IPO9: variants seen among roughly 807,000 people sequenced by gnomAD.
The protein encoded by IPO9 is importin 9, also known as importin-9.
A neutral mutation model predicts 128.6 loss-of-function variants in IPO9; 28 were observed. The observed-to-expected ratio is 0.22, with a 90% CI of 0.16 to 0.30. The LOEUF (loss-of-function observed/expected upper bound fraction) is 0.30, where lower values mean the gene tolerates loss of function less well. IPO9 is among the 10% of genes least tolerant of loss of function. The pLI, the probability that IPO9 is intolerant of heterozygous loss-of-function variation, is 1.00. For missense variants in IPO9, 935 were observed against 1,293.9 expected (o/e 0.72, Z 4.26); for synonymous variants, 455 against 475.8 (o/e 0.96, Z 0.57).
rs755028492 is a variant in IPO9, at chr1:201,866,921, G to T, written c.1817G>T (p.Cys606Phe). 4 of 1,614,116 alleles carry T rather than the reference G, an allele frequency of 2.5e-6. No homozygotes were observed. The South Asian group carries it at 3.3e-5, about 13-fold the overall frequency. ...EFTASMESKI[C>F]PFTIAIFLKY... ...ACAGCAAGCATGGAAAGCAAAATCTGCCCCTTCACCATCGCCATTTTCCTA... is the reference window on the plus strand; with the variant it reads ...ACAGCAAGCATGGAAAGCAAAATCTTCCCCTTCACCATCGCCATTTTCCTA... Residue 606 changes from cysteine to phenylalanine, a missense_variant, in exon 15 of 24, where the codon TGC becomes TTC. By Grantham distance (205) the Cys-to-Phe change is radical. Coordinates refer to ENST00000361565, the MANE Select transcript of IPO9 (RefSeq NM_018085.5).
chr1:201,847,757 G>A, intron 3 of IPO9, 119 bp downstream of exon 3: 1 of 737,206 alleles, frequency 1.4e-6, no homozygotes, highest in Non-Finnish European at 2.4e-6. Context: ...AAAGGAGATT[G>A]GTGGCTGGCA....
intron 15 of IPO9, among the ~76,000 whole-genome samples, chr1:201,867,407 A>G (rs1232978543): frequency 6.6e-6 from 1 of 152,174 alleles, no homozygotes; most frequent in African/African-American, 2.4e-5. Context: ...GGAAATTATA[A>G]AAAGACATTA....
intron 1 of IPO9, among the ~76,000 whole-genome samples, chr1:201,831,743 G>A (rs755194493): frequency 6.6e-6 from 1 of 152,152 alleles, no homozygotes. Flanking sequence ...CTTTCCAGCC[G>A]GGATTTAGCC....
chr1:201,867,778 A>T (rs998950731), intron 15 of IPO9, among the ~76,000 whole-genome samples: 1 of 152,050 alleles, frequency 6.6e-6, no homozygotes, highest in Non-Finnish European at 1.5e-5. Context: ...GAGCTCCAAT[A>T]TTGAAGCTCA....
intron 6 of IPO9, 85 bp downstream of exon 6, chr1:201,853,182 A>G (rs1461546882): frequency 5.1e-6 from 5 of 976,930 alleles, no homozygotes; most frequent in Non-Finnish European, 8.3e-6. Context: ...TGATAGCAGC[A>G]CGAAAAAGCA....
At chr1:201,831,350 C>G (rs1465010417) in intron 1 of IPO9, among the ~76,000 whole-genome samples, 2 of 152,050 alleles carry the variant, frequency 1.3e-5, no homozygotes, top group Non-Finnish European at 2.9e-5. Flanking sequence ...TATTGGTGAT[C>G]TAGTAATAGA....
chr1:201,862,565 T>C (rs1443313794), intron 13 of IPO9, among the ~76,000 whole-genome samples: 1 of 150,630 alleles, frequency 6.6e-6, no homozygotes, highest in East Asian at 2.0e-4. Context: ...CCAGCACTTT[T>C]GGAGGCCAAG....
Position 201,847,311 on chromosome 1 carries a change from G to C in IPO9, c.196G>C (p.Asp66His), listed in dbSNP as rs1680139317. The C allele has an allele frequency of 6.2e-7, 1 of 1,613,874 alleles. No individual in the cohort carries two copies. Among genetic ancestry groups the C allele is most frequent in the African/African-American group, 1.3e-5 (1 of 74,874 alleles). Reference sequence around the variant, plus strand: ...TGTTCACTTGGCAGAACTGACTGTAGATCCCCAGGGGGCACTGGCAATCCG... The same window carrying C: ...TGTTCACTTGGCAGAACTGACTGTACATCCCCAGGGGGCACTGGCAATCCG... ...FGVHLAELTV[D>H]PQGALAIRQL... is the part of the protein sequence containing the mutation. The change falls in exon 2 of 24, where the codon GAT becomes CAT. Residue 66 changes from aspartate to histidine, a missense_variant. Transcript: ENST00000361565.
In IPO9 at chr1:201,870,387, G is replaced by C. The variant is rs561636704; in HGVS notation, c.2134-196G>C. On this transcript the variant is annotated intron_variant, in intron 17 of 23. Coordinates refer to ENST00000361565, the MANE Select transcript of IPO9 (RefSeq NM_018085.5). The surrounding 1 kb of genome is among the most constrained non-coding windows in gnomAD (Gnocchi z 4.9). The stretch of plus-strand genomic sequence containing the variant: ...TTGTGAGATAGCTGATTAGGTAAAG[G>C]GGGAATTATGTAATGCACGTCTATG... Among the ~76,000 whole-genome samples, 1 of 152,294 alleles carries C rather than the reference G, an allele frequency of 6.6e-6. No homozygotes were observed. Among genetic ancestry groups the C allele is most frequent in the Admixed American group, 6.5e-5 (1 of 15,298 alleles).
rs970131298 is a variant in IPO9 at position 201,877,865 on chromosome 1, A to C, written c.*1811A>C. The C allele has an allele frequency of 6.6e-6, 1 of 152,256 alleles. No homozygotes were observed. The highest frequency in any genetic ancestry group is 1.5e-5 in the Non-Finnish European group (1 of 68,118). The allele number at this position is 152,256 out of a possible 1,614,324, so 9.4% of individuals were successfully genotyped here. On this transcript the variant is annotated 3_prime_UTR_variant, in exon 24 of 24. Transcript: ENST00000361565. Reference sequence around the variant, plus strand: ...CTTGAACCTGGGAGGCAGAGGTTGCAGTAAGCCAAGATCGCACCATTGCAC... The same window carrying C: ...CTTGAACCTGGGAGGCAGAGGTTGCCGTAAGCCAAGATCGCACCATTGCAC...
chr1:201,848,244 A>G lies in IPO9; in HGVS notation c.313-149A>G, dbSNP rs534690678. On this transcript the variant is annotated intron_variant, in intron 3 of 23. Transcript: ENST00000361565. ...TTAGAGATCACAGATGAACCCTCCA[A>G]ATGAATTGTCAAGTTTGTGTATAGG... 107 of 666,552 alleles carry G rather than the reference A, an allele frequency of 1.6e-4. No homozygotes were observed. The African/African-American group carries it at 1.6e-3, about 10-fold the overall frequency. The allele number at this position is 666,552 out of a possible 1,614,324, so 41.3% of individuals were successfully genotyped here.
chr1:201,866,270 T>C lies in IPO9; in HGVS notation c.1629-463T>C, dbSNP rs942712758. On this transcript the variant is annotated intron_variant, in intron 14 of 23. Transcript: ENST00000361565. Reference sequence around the variant, plus strand: ...CCCCCCAAAGTGCTGGGATCACAGGTGTGAGCCACCGTGCCTGGTCCTAGA... The same window carrying C: ...CCCCCCAAAGTGCTGGGATCACAGGCGTGAGCCACCGTGCCTGGTCCTAGA... Among the ~76,000 whole-genome samples, 3 of 152,244 alleles carry C rather than the reference T, an allele frequency of 2.0e-5. No homozygotes were observed. The South Asian group carries it at 6.2e-4, about 32-fold the overall frequency.
At chr1:201,833,383 C>T (rs775339685) in intron 1 of IPO9, among the ~76,000 whole-genome samples, 8 of 152,050 alleles carry the variant, frequency 5.3e-5, no homozygotes, top group East Asian at 1.9e-4. Flanking sequence ...GGATTACAGG[C>T]GCGTACCAAC....
Position 201,880,527 on chromosome 1 carries a change from AATAC to A in IPO9, c.*4478_*4481del, listed in dbSNP as rs1456229992. On this transcript the variant is annotated 3_prime_UTR_variant, in exon 24 of 24. Coordinates refer to ENST00000361565, the MANE Select transcript of IPO9 (RefSeq NM_018085.5). Reference sequence around the variant, plus strand: ...GGGAAGTTCAAGGATGGTCCAGTGAAATACATACTATACTTTTGCACCCCAGCTA... The same window carrying A: ...GGGAAGTTCAAGGATGGTCCAGTGAAATACTATACTTTTGCACCCCAGCTA... 1 of 152,242 alleles carries A rather than the reference AATAC, an allele frequency of 6.6e-6. No individual in the cohort carries two copies. The highest frequency in any genetic ancestry group is 1.5e-5 in the Non-Finnish European group (1 of 68,044). The allele number at this position is 152,242 out of a possible 1,614,324, so 9.4% of individuals were successfully genotyped here. A position where few individuals can be genotyped will look rare whatever the true frequency, so the allele number is the denominator to read the frequency against.
intron 4 of IPO9, 60 bp downstream of exon 4, chr1:201,848,654 C>T (rs1680162432): frequency 6.5e-7 from 1 of 1,542,738 alleles, no homozygotes; most frequent in African/African-American, 1.4e-5. Flanking sequence ...GGAGTATTAC[C>T]AGAAGCTATG....
intron 23 of IPO9, 55 bp downstream of exon 23, chr1:201,875,283 G>T: frequency 6.9e-7 from 1 of 1,459,160 alleles, no homozygotes; most frequent in Non-Finnish European, 9.6e-7. Context: ...CATGGAAACA[G>T]GAATATGGGC....
At chr1:201,867,996 A>AT (rs1475124435) in intron 15 of IPO9, among the ~76,000 whole-genome samples, 1 of 152,120 alleles carries the variant, frequency 6.6e-6, no homozygotes, top group Non-Finnish European at 1.5e-5. Context: ...GGTATTCCCA[A>AT]TTTTTTTCTA....
chr1:201,875,322 G>T, intron 23 of IPO9, 94 bp downstream of exon 23: 1 of 1,107,264 alleles, frequency 9.0e-7, no homozygotes, highest in Non-Finnish European at 1.4e-6. Flanking sequence ...AGGCATGGTG[G>T]CTCATGCCTG....
At chr1:201,855,364 C>T (rs1164443978) in intron 9 of IPO9, among the ~76,000 whole-genome samples, 182 bp downstream of exon 9, 1 of 152,178 alleles carries the variant, frequency 6.6e-6, no homozygotes, top group African/African-American at 2.4e-5. Context: ...ATCTGTTCCA[C>T]ATAGGTAGTT....
Sources: gnomAD v4.1 joint callset for allele counts (sites outside exome capture counted in the v4.1 genomes callset) on GRCh38, gnomAD v4.1.1 for gene constraint, Gnocchi (gnomAD v3.1) non-coding constraint, MANE v1.5 for transcripts, NCBI Gene and HGNC (gene_info 2026-07-23, HGNC 2026-07-21) for gene names.